LINGO2: variants seen among roughly 807,000 people sequenced by gnomAD.
LINGO2 encodes leucine rich repeat and Ig domain containing 2.
Under a neutral mutation model 30.6 loss-of-function variants are expected in LINGO2, and 14 were observed. The observed-to-expected ratio is 0.46, with a 90% confidence interval of 0.30 to 0.72. The LOEUF is 0.72. Among genes scored for constraint, LINGO2 ranks in the 30% least tolerant of loss-of-function variants. The pLI, the probability that LINGO2 is intolerant of heterozygous loss-of-function variation, is 0.07. For missense variants in LINGO2, 729 were observed against 751.7 expected, an observed-to-expected ratio of 0.97 and a Z score of 0.35; for synonymous variants, 317 against 288.5, an observed-to-expected ratio of 1.10 and a Z score of -1.00.
At chr9:28,214,484 G>C (rs902282245) in intron 4 of LINGO2, among the ~76,000 whole-genome samples, 1 of 151,498 alleles carries the variant, frequency 6.6e-6, no homozygotes, top group African/African-American at 2.4e-5. Context: ...AAAAATCTTA[G>C]AATGTGTTTC....
the LINGO2 span, among the ~76,000 whole-genome samples, chr9:28,906,567 G>T: frequency 1.3e-5 from 2 of 151,790 alleles, no homozygotes; most frequent in Admixed American, 1.3e-4. Context: ...CCTTCCAGAT[G>T]GTCAGATAAT....
At chr9:28,520,964 G>A (rs954435137) in intron 1 of LINGO2, among the ~76,000 whole-genome samples, 1 of 151,966 alleles carries the variant, frequency 6.6e-6, no homozygotes, top group African/African-American at 2.4e-5. Context: ...GTGCTTTTTG[G>A]ATCCTCAGCT....
chr9:28,636,511 C>T (rs1046130004), intron 1 of LINGO2, among the ~76,000 whole-genome samples: 2 of 152,098 alleles, frequency 1.3e-5, no homozygotes, highest in South Asian at 2.1e-4. Flanking sequence ...TTAATGATTG[C>T]CATTCTAACT....
chr9:28,090,421 A>T, intron 4 of LINGO2, among the ~76,000 whole-genome samples: 1 of 152,232 alleles, frequency 6.6e-6, no homozygotes, highest in Middle Eastern at 3.2e-3. Flanking sequence ...ACGCAAACCA[A>T]TAAATGTAAT....
intron 1 of LINGO2, among the ~76,000 whole-genome samples, chr9:28,557,483 A>G (rs553524873): frequency 1.1e-3 from 168 of 152,232 alleles, no homozygotes; most frequent in African/African-American, 3.2e-3. Context: ...CGATCATTAA[A>G]AAGTCAGAAA....
At chr9:28,407,074 T>A (rs1300823694) in intron 2 of LINGO2, among the ~76,000 whole-genome samples, 1 of 152,126 alleles carries the variant, frequency 6.6e-6, no homozygotes. Context: ...TAGGGCTATA[T>A]GTATATCCCT....
intron 4 of LINGO2, among the ~76,000 whole-genome samples, chr9:28,264,309 AGG>A (rs1822669430): frequency 6.6e-6 from 1 of 151,958 alleles, no homozygotes; most frequent in Non-Finnish European, 1.5e-5. Context: ...CCAGGAAAAA[AGG>A]GGGTACAATT....
At chr9:29,138,976 T>G in the LINGO2 span, among the ~76,000 whole-genome samples, 48 of 152,298 alleles carry the variant, frequency 3.2e-4, 1 homozygote, top group East Asian at 9.3e-3. Context: ...ATAATGCATA[T>G]TACTTCCGGG....
At chr9:28,075,348 A>T (rs186857576) in intron 4 of LINGO2, among the ~76,000 whole-genome samples, 12 of 152,112 alleles carry the variant, frequency 7.9e-5, no homozygotes, top group Admixed American at 6.5e-5. Flanking sequence ...TTATGTATCC[A>T]TACTATTGTT....
chr9:28,821,042 T>A, the LINGO2 span, among the ~76,000 whole-genome samples: 1 of 152,340 alleles, frequency 6.6e-6, no homozygotes, highest in Admixed American at 6.5e-5. Context: ...AATTTTAACA[T>A]GCCCAGCATC....
chr9:28,456,933 A>G (rs1181368736), intron 2 of LINGO2, among the ~76,000 whole-genome samples: 1 of 152,138 alleles, frequency 6.6e-6, no homozygotes, highest in Non-Finnish European at 1.5e-5. Flanking sequence ...CTTACATGTT[A>G]TCTTTTCCTC....
the LINGO2 span, among the ~76,000 whole-genome samples, chr9:29,140,617 A>ATAAAT: frequency 6.6e-6 from 1 of 151,748 alleles, no homozygotes; most frequent in Non-Finnish European, 1.5e-5. Context: ...ATATAAATAA[A>ATAAAT]AATGGGCAAA....
chr9:28,315,124 TA>T (rs1307396085), intron 3 of LINGO2, among the ~76,000 whole-genome samples: 1 of 150,384 alleles, frequency 6.6e-6, no homozygotes, highest in Non-Finnish European at 1.5e-5. Flanking sequence ...CAGAGATGGA[TA>T]AAAAAAGAGA....
the LINGO2 span, among the ~76,000 whole-genome samples, chr9:28,733,042 C>A: frequency 6.6e-6 from 1 of 152,238 alleles, no homozygotes; most frequent in Non-Finnish European, 1.5e-5. Flanking sequence ...AAGTTTACTT[C>A]CAGATAAGAA....
chr9:28,299,377 G>A (rs1210198641), intron 3 of LINGO2, among the ~76,000 whole-genome samples: 1 of 151,932 alleles, frequency 6.6e-6, no homozygotes. Flanking sequence ...GTCAAATTTA[G>A]CCTTTTCTGT....
At chr9:28,045,496 T>G (rs1459374256) in intron 4 of LINGO2, among the ~76,000 whole-genome samples, 1 of 152,162 alleles carries the variant, frequency 6.6e-6, no homozygotes, top group East Asian at 1.9e-4. Context: ...AGGGGAAAAG[T>G]AGAACTCAGA....
the LINGO2 span, among the ~76,000 whole-genome samples, chr9:29,001,242 C>A: frequency 4.0e-5 from 6 of 151,876 alleles, no homozygotes; most frequent in Non-Finnish European, 8.8e-5. Context: ...AAATCTACTC[C>A]ATCATTATAG....
the LINGO2 span, among the ~76,000 whole-genome samples, chr9:28,888,002 A>T: frequency 6.6e-6 from 1 of 152,126 alleles, no homozygotes; most frequent in African/African-American, 2.4e-5. Flanking sequence ...TGTTTTGAAG[A>T]TAACATTTTG....
intron 1 of LINGO2, among the ~76,000 whole-genome samples, chr9:28,669,068 T>C (rs1001497136): frequency 1.3e-5 from 2 of 152,058 alleles, no homozygotes; most frequent in Non-Finnish European, 2.9e-5. Flanking sequence ...TAGTTACCCC[T>C]TAAATATATT....
Sources: gnomAD v4.1 joint callset for allele counts (sites outside exome capture counted in the v4.1 genomes callset) on GRCh38, gnomAD v4.1.1 for gene constraint, MANE v1.5 for transcripts, NCBI Gene and HGNC (gene_info 2026-07-23, HGNC 2026-07-21) for gene names.